CCDC91: variants seen among roughly 807,000 people sequenced by gnomAD.
CCDC91 encodes coiled-coil domain containing 91.
In CCDC91, 48 loss-of-function variants were observed where a neutral mutation model predicts 63.2. The observed-to-expected ratio is 0.76, with a 90% CI of 0.60 to 0.97. The LOEUF (loss-of-function observed/expected upper bound fraction) is 0.97, where lower values mean the gene tolerates loss of function less well. CCDC91 is among the 50% of genes least tolerant of loss of function. CCDC91 has a pLI of 0.00. For missense variants in CCDC91, 500 were observed against 494.6 expected (o/e 1.01, Z -0.10); for synonymous variants, 167 against 165.8 (o/e 1.01, Z -0.06).
intron 12 of CCDC91, among the ~76,000 whole-genome samples, chr12:28,547,184 G>T (rs2141883753): frequency 6.6e-6 from 1 of 152,086 alleles, no homozygotes; most frequent in Admixed American, 6.6e-5. Context: ...ACTGGAGAAT[G>T]GACTGGAACT....
At chr12:28,254,627 C>G (rs1946322376) in intron 1 of CCDC91, among the ~76,000 whole-genome samples, 1 of 151,904 alleles carries the variant, frequency 6.6e-6, no homozygotes, top group African/African-American at 2.4e-5. Flanking sequence ...TAAACTATTG[C>G]AGGAATTGAA....
chr12:28,367,166 G>C (rs59640526), intron 7 of CCDC91, among the ~76,000 whole-genome samples: 1 of 152,274 alleles, frequency 6.6e-6, no homozygotes, highest in African/African-American at 2.4e-5. Flanking sequence ...AGAATTATTT[G>C]TCAAGAATTT....
chr12:28,401,181 A>G (rs1418960093), intron 8 of CCDC91, among the ~76,000 whole-genome samples: 2 of 152,164 alleles, frequency 1.3e-5, no homozygotes, highest in East Asian at 3.9e-4. Flanking sequence ...AGACTGGGTA[A>G]TTTATAAAGG....
chr12:28,526,991 A>G (rs1051847841), intron 12 of CCDC91, among the ~76,000 whole-genome samples: 11 of 152,136 alleles, frequency 7.2e-5, no homozygotes, highest in African/African-American at 2.4e-4. Flanking sequence ...TATTTCCTTG[A>G]ATAGTTCTCC....
At chr12:28,397,526 C>T (rs1946365868) in intron 8 of CCDC91, among the ~76,000 whole-genome samples, 1 of 151,884 alleles carries the variant, frequency 6.6e-6, no homozygotes, top group African/African-American at 2.4e-5. Flanking sequence ...GGAGTGGAGT[C>T]CTAAGAAGGA....
rs909497473 is a variant in CCDC91 at position 28,218,436 on chromosome 12, A to G, written c.-15+27795A>G. ...GGTGTATAAACAATTAAAATCACCA[A>G]TAACTCCTCAAGCTGGAAGACAAAA... is the stretch of plus-strand genomic sequence containing the variant. On this transcript the variant is annotated intron_variant, in intron 1 of 12. Transcript: ENST00000536442. 2.7e-5 allele frequency among the ~76,000 whole-genome samples: 4 copies of G among 150,218 alleles called. No individual in the cohort carries two copies. In the South Asian group the frequency reaches 8.5e-4, roughly 32 times the overall value.
chr12:28,520,730 T>C (rs1940539262), intron 12 of CCDC91, among the ~76,000 whole-genome samples: 1 of 152,196 alleles, frequency 6.6e-6, no homozygotes, highest in South Asian at 2.1e-4. Flanking sequence ...CTTTAATCTA[T>C]CTTGAATTAA....
Position 28,484,138 on chromosome 12 carries a change from G to T in CCDC91, c.1188G>T (p.Leu396Phe). The change falls in exon 12 of 13, where the codon TTG becomes TTT. Residue 396 changes from leucine (L) to phenylalanine (F), a missense_variant. Leu to Phe is a conservative substitution (Grantham distance 22). Coordinates refer to ENST00000536442, the MANE Select transcript of CCDC91 (RefSeq NM_018318.5). Reference protein sequence around the residue: ...EEAVKRTRDELIEYIKEQKRL... With the variant: ...EEAVKRTRDEFIEYIKEQKRL... ...CAGTGAAAAGAACAAGAGATGAATT[G>T]ATAGAGTATATAAAAGAACAGAAAA... 1 of 1,607,828 alleles carries T rather than the reference G, an allele frequency of 6.2e-7. No individual in the cohort carries two copies. The highest frequency in any genetic ancestry group is 8.5e-7 in the Non-Finnish European group (1 of 1,176,358).
chr12:28,315,209 A>T (rs1264881770), intron 6 of CCDC91, among the ~76,000 whole-genome samples: 4 of 151,664 alleles, frequency 2.6e-5, no homozygotes, highest in Admixed American at 6.6e-5. Context: ...CTTGTTGCCT[A>T]GGCTGGAATC....
chr12:28,238,767 G>A (rs1383968146), intron 1 of CCDC91, among the ~76,000 whole-genome samples: 1 of 152,090 alleles, frequency 6.6e-6, no homozygotes, highest in Non-Finnish European at 1.5e-5. Context: ...ATATGCACCA[G>A]TAAACTTGGT....
Position 28,286,091 on chromosome 12 carries a change from G to C in CCDC91, c.110-19558G>C, listed in dbSNP as rs552318343. 2.6e-5 allele frequency among the ~76,000 whole-genome samples: 4 copies of C among 151,962 alleles called. No individual in the cohort carries two copies. The South Asian group carries it at 8.3e-4, about 32-fold the overall frequency. ...ACAGTATGCTTTCTAATTGGAAGTG[G>C]CTTGAGTCAAGGGAACACAAAGAGC... is the stretch of plus-strand genomic sequence containing the variant. On this transcript the variant is annotated intron_variant, in intron 3 of 12. Transcript: ENST00000536442.
At chr12:28,284,560 G>A (rs1044041966) in intron 3 of CCDC91, among the ~76,000 whole-genome samples, 9 of 152,028 alleles carry the variant, frequency 5.9e-5, no homozygotes, top group Non-Finnish European at 1.3e-4. Flanking sequence ...GGCTGAGGCA[G>A]GAGAATCGCT....
At position 28,219,872 on chromosome 12, in the gene CCDC91, AAATTTCTCCCTTTAATATTCT is replaced by A. The variant is rs148057563; in HGVS notation, c.-15+29237_-15+29257del. 2.1e-3 allele frequency among the ~76,000 whole-genome samples: 313 copies of A among 152,284 alleles called. 2 individuals are homozygous for A. The highest frequency in any genetic ancestry group is 7.1e-3 in the African/African-American group (295 of 41,560). On this transcript the variant is annotated intron_variant, in intron 1 of 12. Transcript: ENST00000536442. Reference sequence around the variant, plus strand: ...CTTGATTAATTTATCTGTCATTATGAAATTTCTCCCTTTAATATTCTAATTTGTATAATATGAATATAGACA... The same window carrying A: ...CTTGATTAATTTATCTGTCATTATGAAATTTGTATAATATGAATATAGACA...
intron 11 of CCDC91, among the ~76,000 whole-genome samples, chr12:28,471,724 G>A (rs11049644): frequency 0.21 from 31,375 of 151,432 alleles, 4,282 homozygotes; most frequent in Non-Finnish European, 0.31. Flanking sequence ...ATATAATATA[G>A]CTGAAGTGAC....
intron 1 of CCDC91, among the ~76,000 whole-genome samples, chr12:28,209,839 C>G (rs1565615318): frequency 1.3e-5 from 2 of 152,194 alleles, no homozygotes; most frequent in Non-Finnish European, 2.9e-5. Flanking sequence ...CCCATGCTTT[C>G]TTATAATCTT....
chr12:28,444,474 A>G (rs1949395907), intron 8 of CCDC91, among the ~76,000 whole-genome samples: 1 of 152,184 alleles, frequency 6.6e-6, no homozygotes, highest in Admixed American at 6.6e-5. Context: ...TTCCTCTGCC[A>G]TTTTAAGATG....
chr12:28,538,331 C>T (rs541963864), intron 12 of CCDC91, among the ~76,000 whole-genome samples: 1 of 145,970 alleles, frequency 6.9e-6, no homozygotes, highest in East Asian at 2.1e-4. Context: ...TGTTCAATTC[C>T]CACCTATAAG....
chr12:28,366,153 A>G (rs1037898344), intron 7 of CCDC91, among the ~76,000 whole-genome samples: 4 of 141,178 alleles, frequency 2.8e-5, no homozygotes, highest in African/African-American at 1.2e-4. Flanking sequence ...AGTACAGATT[A>G]AAAAAAAAAC....
At chr12:28,521,575 G>T (rs1391383097) in intron 12 of CCDC91, among the ~76,000 whole-genome samples, 3 of 152,108 alleles carry the variant, frequency 2.0e-5, no homozygotes, top group Non-Finnish European at 4.4e-5. Context: ...TCTTTCTCCT[G>T]CCTGATTGAC....
Sources: allele counts gnomAD v4.1 joint callset (sites outside exome capture counted in the v4.1 genomes callset), GRCh38; gene constraint gnomAD v4.1.1; transcripts MANE v1.5; gene names NCBI Gene and HGNC (gene_info 2026-07-23, HGNC 2026-07-21).